Variants in PHACTR1 observed in about 807,000 individuals in gnomAD.
PHACTR1 encodes RPEL repeat containing 1.
In PHACTR1, 16 loss-of-function variants were observed where a neutral mutation model predicts 69.2. The ratio of observed to expected loss-of-function variants is 0.23; its 90% confidence interval spans 0.16 to 0.35. The LOEUF is 0.35. Ranked by LOEUF, PHACTR1 falls within the 10% of genes least tolerant of loss-of-function variation. The probability of loss-of-function intolerance (pLI) is 1.00; values close to 1 mark genes in which losing one functional copy is unlikely to be tolerated. For missense variants in PHACTR1, 510 were observed against 734.7 expected, an observed-to-expected ratio of 0.69 and a Z score of 3.54; for synonymous variants, 312 against 284.5, an observed-to-expected ratio of 1.10 and a Z score of -0.97.
intron 4 of PHACTR1, among the ~76,000 whole-genome samples, chr6:12,829,164 A>T (rs1479109888): frequency 3.3e-5 from 5 of 152,252 alleles, no homozygotes; most frequent in African/African-American, 1.2e-4. Context: ...TAGAAGCAAG[A>T]CATACATTGT....
chr6:12,974,692 A>G (rs1794653625), intron 4 of PHACTR1, among the ~76,000 whole-genome samples: 1 of 152,218 alleles, frequency 6.6e-6, no homozygotes, highest in South Asian at 2.1e-4. Context: ...CATTTGGTGG[A>G]TACAGGAAGT....
chr6:12,815,951 G>A (rs1361436705), intron 4 of PHACTR1, among the ~76,000 whole-genome samples: 2 of 152,268 alleles, frequency 1.3e-5, no homozygotes, highest in Non-Finnish European at 1.5e-5. Flanking sequence ...ATATTTCCTG[G>A]GCATATACTC....
intron 5 of PHACTR1, among the ~76,000 whole-genome samples, chr6:13,139,287 G>A (rs183588763): frequency 1.2e-3 from 181 of 152,114 alleles, no homozygotes; most frequent in Non-Finnish European, 1.8e-3. Context: ...TTATTGGAAC[G>A]CAGCCACATA....
chr6:12,849,177 T>A (rs1779578713), intron 4 of PHACTR1, among the ~76,000 whole-genome samples: 1 of 152,080 alleles, frequency 6.6e-6, no homozygotes, highest in African/African-American at 2.4e-5. Context: ...TGACAGAAGC[T>A]CCCTAGGAGC....
intron 3 of PHACTR1, among the ~76,000 whole-genome samples, chr6:12,726,175 C>T (rs1316316076): frequency 6.6e-6 from 1 of 152,034 alleles, no homozygotes; most frequent in East Asian, 1.9e-4. Context: ...AAATTTAGGT[C>T]TATTATTGAA....
chr6:13,157,517 C>T (rs1758357666), intron 5 of PHACTR1, among the ~76,000 whole-genome samples: 1 of 152,236 alleles, frequency 6.6e-6, no homozygotes, highest in South Asian at 2.1e-4. Context: ...TGAGTGACAG[C>T]TGATGTCCAG....
intron 4 of PHACTR1, among the ~76,000 whole-genome samples, chr6:12,867,855 G>A (rs1335174063): frequency 2.0e-5 from 3 of 152,090 alleles, no homozygotes; most frequent in African/African-American, 7.2e-5. Flanking sequence ...CCTATTGTCT[G>A]TGTGTGGGTA....
At chr6:13,162,351 T>C (rs1177363810) in intron 6 of PHACTR1, among the ~76,000 whole-genome samples, 2 of 151,984 alleles carry the variant, frequency 1.3e-5, no homozygotes, top group Non-Finnish European at 2.9e-5. Context: ...GGTCTCAAAC[T>C]CCTGACCTCA....
intron 4 of PHACTR1, among the ~76,000 whole-genome samples, chr6:12,763,227 C>T (rs1768229734): frequency 6.7e-6 from 1 of 148,728 alleles, no homozygotes; most frequent in Non-Finnish European, 1.5e-5. Context: ...ACAACAACAA[C>T]AACAACAACA....
chr6:13,281,524 T>C, intron 12 of PHACTR1: 1 of 248,454 alleles, frequency 4.0e-6, no homozygotes, highest in Non-Finnish European at 8.6e-6. Context: ...ACCATTGAAC[T>C]CCAGCCTGGG....
At chr6:13,026,472 A>G (rs1470040243) in intron 4 of PHACTR1, among the ~76,000 whole-genome samples, 1 of 152,114 alleles carries the variant, frequency 6.6e-6, no homozygotes, top group Non-Finnish European at 1.5e-5. Context: ...GGTCTTGAAA[A>G]TATGTAGGAG....
In PHACTR1 at chr6:13,192,414, T is replaced by C. The variant is rs1408791255; in HGVS notation, c.664+9728T>C. ...ATTATGTTCAAGAAATAGCAAATAG[T>C]CCTATCAGCAGGGATGTAGGATTCT... On this transcript the variant is annotated intron_variant, in intron 7 of 14. Transcript: ENST00000332995. 2.0e-5 allele frequency among the ~76,000 whole-genome samples: 3 copies of C among 152,214 alleles called. No individual in the cohort carries two copies. The East Asian group carries it at 5.8e-4, about 29-fold the overall frequency.
intron 5 of PHACTR1, among the ~76,000 whole-genome samples, chr6:13,102,827 T>C (rs1815392752): frequency 6.6e-6 from 1 of 152,228 alleles, no homozygotes; most frequent in South Asian, 2.1e-4. Context: ...TGATGTTGCA[T>C]TATGTTATTC....
At chr6:13,220,363 T>C (rs1768415624) in intron 8 of PHACTR1, among the ~76,000 whole-genome samples, 1 of 152,256 alleles carries the variant, frequency 6.6e-6, no homozygotes, top group Admixed American at 6.5e-5. Context: ...CATCTGTTTT[T>C]CCCTTGGAAA....
At chr6:12,862,094 C>T (rs1314202669) in intron 4 of PHACTR1, among the ~76,000 whole-genome samples, 1 of 152,050 alleles carries the variant, frequency 6.6e-6, no homozygotes, top group Non-Finnish European at 1.5e-5. Context: ...AGCTTATATT[C>T]TAGGAAGAGA....
At chr6:13,220,169 G>A (rs1042537093) in intron 8 of PHACTR1, among the ~76,000 whole-genome samples, 2 of 152,214 alleles carry the variant, frequency 1.3e-5, no homozygotes, top group Admixed American at 6.5e-5. Context: ...CCTTCATCCT[G>A]AGCTGTGGAA....
intron 4 of PHACTR1, among the ~76,000 whole-genome samples, chr6:12,779,358 C>G (rs980551834): frequency 6.6e-6 from 1 of 151,936 alleles, no homozygotes; most frequent in African/African-American, 2.4e-5. Context: ...GTTGGAGAAG[C>G]AAATTTCCTC....
intron 4 of PHACTR1, among the ~76,000 whole-genome samples, chr6:12,843,265 A>G (rs2127745221): frequency 6.6e-6 from 1 of 152,350 alleles, no homozygotes; most frequent in East Asian, 1.9e-4. Context: ...AGGTTTGGAC[A>G]GCAGGTGCCT....
chr6:13,119,533 A>G (rs963678384), intron 5 of PHACTR1, among the ~76,000 whole-genome samples: 1 of 152,162 alleles, frequency 6.6e-6, no homozygotes, highest in African/African-American at 2.4e-5. Context: ...GGGACCCACT[A>G]GCCCAGAATA....
Sources: gnomAD v4.1 joint callset for allele counts (sites outside exome capture counted in the v4.1 genomes callset) on GRCh38, gnomAD v4.1.1 for gene constraint, MANE v1.5 for transcripts, NCBI Gene and HGNC (gene_info 2026-07-23, HGNC 2026-07-21) for gene names.